Variants in ANK2 observed in about 807,000 individuals in gnomAD.
The protein encoded by ANK2 is ankyrin 2.
In ANK2, 83 loss-of-function variants were observed where a neutral mutation model predicts 360.5. That is an observed-to-expected ratio of 0.23 (90% CI 0.19 to 0.28). The LOEUF is 0.28. ANK2 is among the 10% of genes least tolerant of loss of function. The pLI is 1.00. For synonymous variants in ANK2, 1,740 were observed against 1,759.5 expected, an observed-to-expected ratio of 0.99 and a Z score of 0.28; for missense variants, 4,201 against 4,795.7, an observed-to-expected ratio of 0.88 and a Z score of 3.66.
upstream of ANK2, among the ~76,000 whole-genome samples, chr4:112,814,072 A>G (rs2055478023): frequency 6.6e-6 from 1 of 152,220 alleles, no homozygotes; most frequent in South Asian, 2.1e-4. Flanking sequence ...ATGTTCTTTG[A>G]GGCAAGAAAG....
At chr4:112,762,436 TA>T in the ANK2 span, among the ~76,000 whole-genome samples, 1 of 152,222 alleles carries the variant, frequency 6.6e-6, no homozygotes, top group African/African-American at 2.4e-5. Flanking sequence ...TTGAAACATT[TA>T]GTGACAATGT....
rs769894397 is a variant in ANK2, at chr4:113,355,787, A to T, written c.7169A>T (p.Lys2390Met). The T allele has an allele frequency of 1.1e-5, 17 of 1,613,980 alleles. No individual in the cohort carries two copies. In the Admixed American group the frequency reaches 2.5e-4, roughly 24 times the overall value. Residue 2390 changes from lysine (K) to methionine (M), a missense_variant, in exon 38 of 46, where the codon AAG (lysine) becomes ATG (methionine). Coordinates refer to ENST00000357077, the MANE Select transcript of ANK2 (RefSeq NM_001148.6). ...KALPLPEASVKTDTGTESKPQ... is the reference protein window; with the variant it reads ...KALPLPEASVMTDTGTESKPQ... ...TTGCCGCTGCCTGAGGCTTCTGTAA[A>T]GACAGATACAGGAACTGAATCAAAA... is the stretch of plus-strand genomic sequence containing the variant.
intron 23 of ANK2, among the ~76,000 whole-genome samples, chr4:113,307,799 G>A (rs111420313): frequency 1.3e-5 from 2 of 152,090 alleles, no homozygotes; most frequent in African/African-American, 2.4e-5. Flanking sequence ...TGTGTTTTCC[G>A]GGTATCAAAA....
At chr4:113,190,219 C>T (rs2098634994) in intron 2 of ANK2, among the ~76,000 whole-genome samples, 1 of 152,012 alleles carries the variant, frequency 6.6e-6, no homozygotes, top group Non-Finnish European at 1.5e-5. Context: ...GGAGTGCAGC[C>T]TCAGCTTCCC....
chr4:112,964,266 A>G (rs554744097), intron 2 of ANK2, among the ~76,000 whole-genome samples: 1 of 151,486 alleles, frequency 6.6e-6, no homozygotes, highest in South Asian at 2.1e-4. Flanking sequence ...GTTCTTTAAA[A>G]ATATACAATT....
intron 2 of ANK2, among the ~76,000 whole-genome samples, chr4:113,192,965 G>T (rs897523062): frequency 2.6e-5 from 4 of 151,548 alleles, no homozygotes; most frequent in African/African-American, 9.7e-5. Flanking sequence ...GGCTAGACAG[G>T]GAGAAAAGAT....
intron 1 of ANK2, among the ~76,000 whole-genome samples, chr4:113,139,181 C>T (rs1454694581): frequency 6.6e-6 from 1 of 152,182 alleles, no homozygotes; most frequent in African/African-American, 2.4e-5. Context: ...AGGCAGCTTT[C>T]TCTCCAGCCT....
At chr4:112,759,038 T>C in the ANK2 span, among the ~76,000 whole-genome samples, 2 of 152,210 alleles carry the variant, frequency 1.3e-5, no homozygotes, top group Non-Finnish European at 2.9e-5. Context: ...AAATATATTT[T>C]ACTCTCTGAT....
At chr4:113,140,868 C>T (rs764449526) in intron 1 of ANK2, among the ~76,000 whole-genome samples, 40 of 151,984 alleles carry the variant, frequency 2.6e-4, no homozygotes, top group Middle Eastern at 3.4e-3. Flanking sequence ...GTCCTTGCTA[C>T]TTGGGAGGCT....
intron 2 of ANK2, among the ~76,000 whole-genome samples, chr4:113,002,716 T>C (rs954116732): frequency 6.6e-6 from 1 of 152,216 alleles, no homozygotes; most frequent in Non-Finnish European, 1.5e-5. Flanking sequence ...ACTTTCTCTG[T>C]TAATAACACT....
At chr4:113,320,329 T>C (rs1026962969) in intron 26 of ANK2, among the ~76,000 whole-genome samples, 1 of 152,206 alleles carries the variant, frequency 6.6e-6, no homozygotes. Context: ...CAACTTTTGC[T>C]GTGCATTAGA....
intron 1 of ANK2, among the ~76,000 whole-genome samples, chr4:112,880,076 A>T (rs138222255): frequency 0.022 from 2,904 of 130,118 alleles, 56 homozygotes; most frequent in African/African-American, 0.061. Context: ...TCTCTCTCTC[A>T]CACACACACA....
In ANK2 at chr4:113,357,670, A is replaced by G; in HGVS notation, c.9052A>G (p.Thr3018Ala). The stretch of plus-strand genomic sequence containing the variant: ...CAGTGTCTCTTCATCTTTCGAGCCT[A>G]CTATGTCCGCTACAACAACAGTTGT... ...SDSVSSSFEP[T>A]MSATTTVVGE... Residue 3018 changes from threonine (T) to alanine (A), a missense_variant, in exon 38 of 46, where the codon ACT becomes GCT. By Grantham distance (58) the Thr-to-Ala change is moderately conservative. Coordinates refer to ENST00000357077, the MANE Select transcript of ANK2 (RefSeq NM_001148.6). 6.2e-7 allele frequency: 1 copy of G among 1,614,168 alleles called. No individual in the cohort carries two copies. Among genetic ancestry groups the G allele is most frequent in the South Asian group, 1.1e-5 (1 of 91,086 alleles).
intron 45 of ANK2, 53 bp from the exon 46 acceptor site, chr4:113,381,404 C>G: frequency 6.2e-7 from 1 of 1,603,564 alleles, no homozygotes; most frequent in Non-Finnish European, 8.5e-7. Context: ...TTCCTAACAG[C>G]TGCCCTCTGG....
chr4:112,957,450 A>G (rs571958248), intron 2 of ANK2, among the ~76,000 whole-genome samples: 50 of 152,296 alleles, frequency 3.3e-4, no homozygotes, highest in African/African-American at 1.0e-3. Context: ...CGATTTCTCA[A>G]TCTTTTCCCC....
chr4:113,178,710 T>C (rs1306663008), intron 2 of ANK2, among the ~76,000 whole-genome samples: 1 of 152,188 alleles, frequency 6.6e-6, no homozygotes, highest in African/African-American at 2.4e-5. Context: ...GCTTAGCTAC[T>C]GTGTATTAGA....
intron 22 of ANK2, among the ~76,000 whole-genome samples, chr4:113,297,313 G>T (rs1458783341): frequency 1.3e-5 from 2 of 152,142 alleles, no homozygotes; most frequent in Admixed American, 1.3e-4. Flanking sequence ...TTCTTAAAAA[G>T]ACATACTTAG....
chr4:113,050,454 T>C (rs2066454468), intron 1 of ANK2, among the ~76,000 whole-genome samples: 1 of 152,150 alleles, frequency 6.6e-6, no homozygotes, highest in Admixed American at 6.5e-5. Context: ...AAGCAGTCTG[T>C]AGGATTTCTT....
intron 2 of ANK2, among the ~76,000 whole-genome samples, chr4:113,041,353 T>G (rs1181228816): frequency 6.6e-6 from 1 of 152,094 alleles, no homozygotes; most frequent in African/African-American, 2.4e-5. Flanking sequence ...ATGATATATT[T>G]TACTAAGGAA....
Sources: gnomAD v4.1 joint callset for allele counts (sites outside exome capture counted in the v4.1 genomes callset) on GRCh38, gnomAD v4.1.1 for gene constraint, MANE v1.5 for transcripts, NCBI Gene and HGNC (gene_info 2026-07-23, HGNC 2026-07-21) for gene names.